The following GRM1 variants were observed in gnomAD, a reference collection of about 807,000 sequenced individuals.
GRM1 encodes metabotropic glutamate receptor 1.
Under a neutral mutation model 90.9 loss-of-function variants are expected in GRM1, and 33 were observed. The ratio of observed to expected loss-of-function variants is 0.36; its 90% confidence interval spans 0.28 to 0.49. The LOEUF (loss-of-function observed/expected upper bound fraction) is 0.49, where lower values mean the gene tolerates loss of function less well. Among genes scored for constraint, GRM1 ranks in the 20% least tolerant of loss-of-function variants. The pLI is 0.99. For synonymous variants in GRM1, 700 were observed against 613.2 expected (o/e 1.14, Z -2.09); for missense variants, 1,190 against 1,534.3 (o/e 0.78, Z 3.75).
At chr6:146,387,160 C>T in intron 6 of GRM1, 144 bp downstream of exon 6, 2 of 798,974 alleles carry the variant, frequency 2.5e-6, no homozygotes, top group Non-Finnish European at 4.4e-6. Flanking sequence ...AAGGAGTATA[C>T]ATAAACCTCA....
intron 2 of GRM1, among the ~76,000 whole-genome samples, chr6:146,288,757 C>T (rs1486648052): frequency 2.0e-5 from 3 of 152,094 alleles, no homozygotes; most frequent in Admixed American, 6.6e-5. Flanking sequence ...CTGCCTGCCT[C>T]GGCCACCCAA....
chr6:146,173,415 A>G (rs942134334), intron 2 of GRM1, among the ~76,000 whole-genome samples: 10 of 151,260 alleles, frequency 6.6e-5, no homozygotes, highest in Non-Finnish European at 1.2e-4. Flanking sequence ...GAAAAGAAAA[A>G]AAAAAAGAAA....
intron 1 of GRM1, among the ~76,000 whole-genome samples, chr6:146,043,784 T>G (rs186040522): frequency 2.9e-5 from 3 of 103,508 alleles, no homozygotes; most frequent in Non-Finnish European, 5.5e-5. Context: ...AGTCAGGTGA[T>G]ATATATATAT....
intron 5 of GRM1, among the ~76,000 whole-genome samples, chr6:146,380,060 C>G (rs1379243680): frequency 6.6e-6 from 1 of 151,946 alleles, no homozygotes; most frequent in African/African-American, 2.4e-5. Context: ...TTGTGCTGAC[C>G]TCAAGTCAGC....
chr6:146,331,775 T>C (rs1471672309), intron 3 of GRM1, among the ~76,000 whole-genome samples: 1 of 152,074 alleles, frequency 6.6e-6, no homozygotes, highest in African/African-American at 2.4e-5. Context: ...TAAAAAAAAA[T>C]TCTAATCCCA....
chr6:146,207,600 A>G (rs571418417), intron 2 of GRM1, among the ~76,000 whole-genome samples: 1 of 152,282 alleles, frequency 6.6e-6, no homozygotes, highest in South Asian at 2.1e-4. Context: ...TTTTCTGCAG[A>G]GAGGAGTAAT....
chr6:146,111,150 G>T (rs1444939888), intron 1 of GRM1, among the ~76,000 whole-genome samples: 1 of 152,172 alleles, frequency 6.6e-6, no homozygotes, highest in Admixed American at 6.5e-5. Flanking sequence ...TGAATGTGCA[G>T]AAGTTTCTCA....
intron 7 of GRM1, among the ~76,000 whole-genome samples, chr6:146,422,600 A>G (rs1419036648): frequency 1.3e-5 from 2 of 152,188 alleles, no homozygotes; most frequent in Admixed American, 1.3e-4. Context: ...GTGATCATAC[A>G]ATTGGAAAGT....
rs1310842040 is a variant in GRM1 at position 146,386,957 on chromosome 6, A to C, written c.1670A>C (p.Gln557Pro). 6.2e-7 allele frequency: 1 copy of C among 1,612,898 alleles called. No individual in the cohort carries two copies. The highest frequency in any genetic ancestry group is 8.5e-7 in the Non-Finnish European group (1 of 1,178,982). Residue 557 changes from glutamine (Q) to proline (P), a missense_variant, in exon 6 of 8, where the codon CAA (glutamine) becomes CCA (proline). Gln to Pro is a moderately conservative substitution (Grantham distance 76). Coordinates refer to ENST00000282753, the MANE Select transcript of GRM1 (RefSeq NM_001278064.2). ...GCCTGCAAAGAGAATGAATATGTGCAAGATGAGTTCACCTGCAAAGCTTGT... is the reference window on the plus strand; with the variant it reads ...GCCTGCAAAGAGAATGAATATGTGCCAGATGAGTTCACCTGCAAAGCTTGT... ...CTACKENEYV[Q>P]DEFTCKACDL... is the part of the protein sequence containing the mutation.
At chr6:146,068,291 T>C (rs1775916388) in intron 1 of GRM1, among the ~76,000 whole-genome samples, 1 of 152,136 alleles carries the variant, frequency 6.6e-6, no homozygotes, top group African/African-American at 2.4e-5. Context: ...TTTTTTGTAT[T>C]TTTAGTAGAG....
chr6:146,247,925 C>T (rs1185428455), intron 2 of GRM1, among the ~76,000 whole-genome samples: 1 of 149,208 alleles, frequency 6.7e-6, no homozygotes, highest in Non-Finnish European at 1.5e-5. Flanking sequence ...ATAATATATA[C>T]ATATATGATA....
intron 2 of GRM1, among the ~76,000 whole-genome samples, chr6:146,164,361 T>G (rs1216661305): frequency 6.6e-6 from 1 of 152,186 alleles, no homozygotes; most frequent in Non-Finnish European, 1.5e-5. Flanking sequence ...TCCTCAACTG[T>G]AGGAACCAAG....
At chr6:146,290,939 CT>C (rs765704332) in intron 2 of GRM1, among the ~76,000 whole-genome samples, 38 of 152,000 alleles carry the variant, frequency 2.5e-4, no homozygotes, top group Admixed American at 3.9e-4. Flanking sequence ...TGATACAAAT[CT>C]TTATGCAACA....
At chr6:146,065,902 C>T (rs1361020904) in intron 1 of GRM1, among the ~76,000 whole-genome samples, 1 of 151,438 alleles carries the variant, frequency 6.6e-6, no homozygotes, top group African/African-American at 2.4e-5. Context: ...TGTATAAGTT[C>T]AGAATAGGAC....
At chr6:146,226,925 A>C (rs558395389) in intron 2 of GRM1, among the ~76,000 whole-genome samples, 1 of 152,188 alleles carries the variant, frequency 6.6e-6, no homozygotes, top group Non-Finnish European at 1.5e-5. Context: ...TCGAGAGACA[A>C]AGTTTACCCT....
intron 3 of GRM1, among the ~76,000 whole-genome samples, chr6:146,333,491 T>C (rs1784657318): frequency 6.6e-6 from 1 of 152,220 alleles, no homozygotes; most frequent in South Asian, 2.1e-4. Flanking sequence ...TTGGCTTACT[T>C]GTCCTTCAGC....
chr6:146,405,986 G>T (rs556439968), intron 7 of GRM1, among the ~76,000 whole-genome samples: 23 of 152,300 alleles, frequency 1.5e-4, no homozygotes, highest in African/African-American at 5.5e-4. Context: ...AAGTTATACT[G>T]CAATAAGTTG....
chr6:146,332,152 G>A (rs920684660), intron 3 of GRM1, among the ~76,000 whole-genome samples: 2 of 152,134 alleles, frequency 1.3e-5, no homozygotes, highest in Non-Finnish European at 2.9e-5. Context: ...CTAATGCATT[G>A]TGTGTATCTG....
intron 1 of GRM1, among the ~76,000 whole-genome samples, chr6:146,047,781 T>C (rs1459872008): frequency 6.6e-6 from 1 of 151,996 alleles, no homozygotes; most frequent in Non-Finnish European, 1.5e-5. Flanking sequence ...TGAAACTTAT[T>C]GAATTGGGGT....
Sources: allele counts gnomAD v4.1 joint callset (sites outside exome capture counted in the v4.1 genomes callset), GRCh38; gene constraint gnomAD v4.1.1; transcripts MANE v1.5; gene names NCBI Gene and HGNC (gene_info 2026-07-23, HGNC 2026-07-21).